MAP3K15: variants seen among roughly 807,000 people sequenced by gnomAD.
The protein encoded by MAP3K15 is mitogen-activated protein kinase kinase kinase 15, also known as MAPK/ERK kinase kinase 15.
A neutral mutation model predicts 99.5 loss-of-function variants in MAP3K15; 124 were observed. The observed-to-expected ratio is 1.25, with a 90% CI of 1.08 to 1.45. The LOEUF (loss-of-function observed/expected upper bound fraction) is 1.45, where lower values mean the gene tolerates loss of function less well. Among genes scored for constraint, MAP3K15 ranks in the 40% most tolerant of loss-of-function variants. The pLI, the probability that MAP3K15 is intolerant of heterozygous loss-of-function variation, is 0.00. For synonymous variants in MAP3K15, 494 were observed against 439.6 expected (o/e 1.12, Z -1.55); for missense variants, 1,242 against 1,079.7 (o/e 1.15, Z -2.11).
intron 9 of MAP3K15, among the ~76,000 whole-genome samples, chrX:19,418,373 G>A (rs1439306389): frequency 9.0e-6 from 1 of 111,619 alleles, no homozygotes; most frequent in Non-Finnish European, 1.9e-5. Flanking sequence ...GAAAACCAAG[G>A]CACAAGAACT....
chrX:19,422,017 G>A lies in MAP3K15; in HGVS notation c.1439+3514C>T, dbSNP rs1299162313. Among the ~76,000 whole-genome samples the A allele has an allele frequency of 1.2e-4, 13 of 110,748 alleles. No homozygotes were observed. In the East Asian group the frequency reaches 2.0e-3, roughly 17 times the overall value. On this transcript the variant is annotated intron_variant, in intron 9 of 28. Transcript: ENST00000338883. ...ACTGGATCCCTTCCTTACACCTTAT[G>A]CAAAAATTAATTCAAGATGGATTAA...
chrX:19,425,020 C>T (rs1261914918), intron 9 of MAP3K15, among the ~76,000 whole-genome samples: 1 of 110,712 alleles, frequency 9.0e-6, no homozygotes, highest in African/African-American at 3.3e-5. Flanking sequence ...AAAACTTACC[C>T]GGGGACTGGC....
chrX:19,380,219 G>A lies in MAP3K15; in HGVS notation c.2490C>T (p.Ala830=). 1 of 1,204,667 alleles carries A rather than the reference G, an allele frequency of 8.3e-7. No individual in the cohort carries two copies. Residue 830 remains alanine, a synonymous_variant, in exon 19 of 29, where the codon GCC becomes GCT. Transcript: ENST00000338883. ...AGCCCAGGGACCAGATATCGGCTGG[G>A]GCACCATATCCGCGAGGCCCTTGGT... ...IIDQGPRGYG[A]PADIWSLGCT... is the part of the protein sequence containing the mutation.
intron 11 of MAP3K15, among the ~76,000 whole-genome samples, chrX:19,412,033 C>A (rs1187971587): frequency 1.8e-5 from 2 of 111,782 alleles, no homozygotes; most frequent in Non-Finnish European, 3.8e-5. Flanking sequence ...CAAAGTCATG[C>A]AGAGAGGATA....
intron 6 of MAP3K15, among the ~76,000 whole-genome samples, chrX:19,432,215 A>T (rs1290546040): frequency 3.6e-5 from 4 of 110,949 alleles, no homozygotes. Context: ...CTTAAGAGTC[A>T]TATCAACTAA....
chrX:19,473,162 T>A (rs754162712), intron 3 of MAP3K15, among the ~76,000 whole-genome samples: 1 of 112,230 alleles, frequency 8.9e-6, no homozygotes, highest in African/African-American at 3.2e-5. Context: ...ACAGCAGGAA[T>A]CCGGAGACTT....
chrX:19,481,276 G>GT (rs768260738), intron 3 of MAP3K15, among the ~76,000 whole-genome samples: 3,485 of 104,076 alleles, frequency 0.033, 52 homozygotes, highest in Middle Eastern at 0.054. Context: ...TGACAAGACA[G>GT]TTTTTTTTTT....
At chrX:19,371,891 G>C (rs1019694162) in intron 22 of MAP3K15, among the ~76,000 whole-genome samples, 2 of 111,468 alleles carry the variant, frequency 1.8e-5, no homozygotes, top group Non-Finnish European at 3.8e-5. Context: ...CCAGCACTTT[G>C]GGAAGCCTAG....
chrX:19,428,524 A>G (rs1342753598), intron 7 of MAP3K15, among the ~76,000 whole-genome samples: 1 of 75,769 alleles, frequency 1.3e-5, no homozygotes, highest in Non-Finnish European at 2.8e-5. Flanking sequence ...GACTTACACT[A>G]TGGTGGAAGG....
At chrX:19,494,576 G>A (rs1253860733) in intron 1 of MAP3K15, among the ~76,000 whole-genome samples, 1 of 111,244 alleles carries the variant, frequency 9.0e-6, no homozygotes, top group Non-Finnish European at 1.9e-5. Context: ...TAATTTTCTA[G>A]TGTGGTTTAA....
intron 1 of MAP3K15, among the ~76,000 whole-genome samples, chrX:19,513,628 G>A (rs980815591): frequency 9.0e-6 from 1 of 111,452 alleles, no homozygotes; most frequent in Non-Finnish European, 1.9e-5. Flanking sequence ...GCTGCCTCCA[G>A]CAGAGGCTGA....
chrX:19,465,306 G>T (rs772985594), intron 3 of MAP3K15, among the ~76,000 whole-genome samples: 6 of 111,673 alleles, frequency 5.4e-5, no homozygotes, highest in Non-Finnish European at 1.1e-4. Flanking sequence ...AACAGGTGAC[G>T]AGTCAATGTT....
At chrX:19,396,312 A>G (rs1014650987) in intron 15 of MAP3K15, among the ~76,000 whole-genome samples, 1 of 112,144 alleles carries the variant, frequency 8.9e-6, no homozygotes, top group African/African-American at 3.2e-5. Context: ...GGTCCCTTCT[A>G]GCTCTTAAAA....
At position 19,448,743 on chromosome X, in the gene MAP3K15, C is replaced by T. The variant is rs187328629; in HGVS notation, c.995+8170G>A. Among the ~76,000 whole-genome samples the T allele has an allele frequency of 9.2e-4, 101 of 109,377 alleles. 5 individuals carry two copies. The highest frequency in any genetic ancestry group is 1.7e-3 in the Non-Finnish European group (87 of 51,699). 95.0% of individuals were successfully genotyped at this position (109,377 alleles called of 115,157 possible). A position where few individuals can be genotyped will look rare whatever the true frequency, so the allele number is the denominator to read the frequency against. Reference sequence around the variant, plus strand: ...TTCTTAGGCTGATAGAAAACTTGGTCATAACATTGTTTTCAGTTCAGACTA... The same window carrying T: ...TTCTTAGGCTGATAGAAAACTTGGTTATAACATTGTTTTCAGTTCAGACTA... On this transcript the variant is annotated intron_variant, in intron 6 of 28. Transcript: ENST00000338883.
intron 6 of MAP3K15, among the ~76,000 whole-genome samples, chrX:19,434,135 G>T (rs2147316705): frequency 8.9e-6 from 1 of 112,022 alleles, no homozygotes; most frequent in Admixed American, 9.5e-5. Flanking sequence ...AATCATTGCT[G>T]GGATTTATAC....
chrX:19,490,194 A>C (rs7062070), intron 1 of MAP3K15, among the ~76,000 whole-genome samples: 29,154 of 105,906 alleles, frequency 0.28, 4,455 homozygotes, highest in African/African-American at 0.58. Context: ...CATACATACA[A>C]AAATTCCTTA....
rs1268001704 is a variant in MAP3K15 at position 19,361,610 on chromosome X, T to TTTG, written c.3680-20_3680-18dup. The TTTG allele has an allele frequency of 1.8e-6, 2 of 1,091,902 alleles. No individual in the cohort carries two copies. The highest frequency in any genetic ancestry group is 3.0e-5 in the East Asian group (1 of 33,331). 90.0% of individuals were successfully genotyped at this position (1,091,902 alleles called of 1,213,427 possible). On this transcript the variant is annotated splice_polypyrimidine_tract_variant and intron_variant, in intron 26 of 28. Transcript: ENST00000338883. ...CTGTAATACCTGTAACGATTGGCAA[T>TTTG]TTGTTATATATTAGTCTAACCATAA...
At chrX:19,398,533 G>T in intron 14 of MAP3K15, among the ~76,000 whole-genome samples, 174 bp from the exon 15 acceptor site, 1 of 112,098 alleles carries the variant, frequency 8.9e-6, no homozygotes, top group South Asian at 3.7e-4. Flanking sequence ...TAAAGGGGCA[G>T]AATTCTCCAT....
intron 4 of MAP3K15, among the ~76,000 whole-genome samples, chrX:19,462,702 G>A (rs1028583677): frequency 3.6e-5 from 4 of 111,806 alleles, no homozygotes; most frequent in Non-Finnish European, 7.5e-5. Flanking sequence ...GCTGATCAAT[G>A]AGCACTTGGA....
Sources: allele counts gnomAD v4.1 joint callset (sites outside exome capture counted in the v4.1 genomes callset), GRCh38; gene constraint gnomAD v4.1.1; transcripts MANE v1.5; gene names NCBI Gene and HGNC (gene_info 2026-07-23, HGNC 2026-07-21).